Variants in KCNH7 observed in about 807,000 individuals in gnomAD.
KCNH7 encodes potassium voltage-gated channel subfamily H member 7, also known as voltage-gated inwardly rectifying potassium channel KCNH7.
A neutral mutation model predicts 120.8 loss-of-function variants in KCNH7; 49 were observed. That is an observed-to-expected ratio of 0.41 (90% CI 0.32 to 0.51). The LOEUF (loss-of-function observed/expected upper bound fraction) is 0.51, where lower values mean the gene tolerates loss of function less well. Ranked by LOEUF, KCNH7 falls within the 20% of genes least tolerant of loss-of-function variation. KCNH7 has a pLI of 0.38. For missense variants in KCNH7, 1,097 were observed against 1,446.6 expected (o/e 0.76, Z 3.92); for synonymous variants, 547 against 516.1 (o/e 1.06, Z -0.81).
chr2:162,550,706 C>T (rs1216743631), intron 2 of KCNH7, among the ~76,000 whole-genome samples: 1 of 152,006 alleles, frequency 6.6e-6, no homozygotes, highest in Non-Finnish European at 1.5e-5. Flanking sequence ...CAAATTTGAG[C>T]GTTTCAAAAT....
intron 2 of KCNH7, among the ~76,000 whole-genome samples, chr2:162,586,317 T>C (rs978097416): frequency 2.6e-5 from 4 of 152,084 alleles, no homozygotes; most frequent in African/African-American, 9.7e-5. Context: ...GCTTCTATTT[T>C]GCCCTTTGGA....
chr2:162,686,664 T>C (rs943321952), intron 2 of KCNH7, among the ~76,000 whole-genome samples: 2 of 152,162 alleles, frequency 1.3e-5, no homozygotes, highest in African/African-American at 4.8e-5. Context: ...GGATCTCTAC[T>C]TGTCTCCTTC....
chr2:162,372,037 C>G lies in KCNH7; in HGVS notation c.3383G>C (p.Ser1128Thr). The change falls in exon 16 of 16, where the codon AGT becomes ACT. Residue 1128 changes from serine to threonine, a missense_variant. Ser to Thr is a moderately conservative substitution (Grantham distance 58). Coordinates refer to ENST00000332142, the MANE Select transcript of KCNH7 (RefSeq NM_033272.4). ...TGAAGCTGTGTTCAGATGCACCCCA[C>G]TTGAAAGGGATTCTTTGGATTTAAG... ...SKLKSKESLS[S>T]GVHLNTASED... The G allele has an allele frequency of 6.2e-7, 1 of 1,613,262 alleles. No homozygotes were observed. The highest frequency in any genetic ancestry group is 8.5e-7 in the Non-Finnish European group (1 of 1,179,392).
At chr2:162,624,690 T>C (rs1287691579) in intron 2 of KCNH7, among the ~76,000 whole-genome samples, 1 of 152,106 alleles carries the variant, frequency 6.6e-6, no homozygotes, top group Non-Finnish European at 1.5e-5. Context: ...ATCATATACA[T>C]CTTTCCAGAA....
chr2:162,409,849 A>C (rs1687333354), intron 9 of KCNH7, among the ~76,000 whole-genome samples: 1 of 152,028 alleles, frequency 6.6e-6, no homozygotes, highest in South Asian at 2.1e-4. Context: ...ATAAAGAATA[A>C]AATATCTAGA....
chr2:162,574,021 A>C (rs1474363135), intron 2 of KCNH7, among the ~76,000 whole-genome samples: 5 of 152,074 alleles, frequency 3.3e-5, no homozygotes, highest in Non-Finnish European at 7.4e-5. Context: ...TTATCATCAA[A>C]TCTTTTAAGT....
chr2:162,478,746 G>C (rs1272685607), intron 6 of KCNH7, among the ~76,000 whole-genome samples: 1 of 152,094 alleles, frequency 6.6e-6, no homozygotes, highest in South Asian at 2.1e-4. Flanking sequence ...TAAAGCCATA[G>C]AATCATGATT....
At chr2:162,592,454 A>G (rs1172038821) in intron 2 of KCNH7, among the ~76,000 whole-genome samples, 1 of 152,080 alleles carries the variant, frequency 6.6e-6, no homozygotes, top group Non-Finnish European at 1.5e-5. Flanking sequence ...GGGCTTCCAC[A>G]TGACTCTTTT....
At chr2:162,663,989 C>T (rs148207725) in intron 2 of KCNH7, among the ~76,000 whole-genome samples, 1 of 152,164 alleles carries the variant, frequency 6.6e-6, no homozygotes, top group Non-Finnish European at 1.5e-5. Context: ...TCATTTCTAC[C>T]AACTCAACTT....
At chr2:162,389,698 C>T (rs1394820409) in intron 12 of KCNH7, among the ~76,000 whole-genome samples, 1 of 152,004 alleles carries the variant, frequency 6.6e-6, no homozygotes, top group Non-Finnish European at 1.5e-5. Context: ...GAGGCGTTTC[C>T]ACGCAATAAA....
At chr2:162,577,369 CTAT>C (rs1693718386) in intron 2 of KCNH7, among the ~76,000 whole-genome samples, 1 of 139,652 alleles carries the variant, frequency 7.2e-6, no homozygotes, top group African/African-American at 2.7e-5. Flanking sequence ...ATCTATCTAT[CTAT>C]CTATCTATCT....
chr2:162,797,447 A>C (rs1425942795), intron 2 of KCNH7: 1 of 152,106 alleles, frequency 6.6e-6, no homozygotes, highest in East Asian at 1.9e-4. Flanking sequence ...TATCTTTGGG[A>C]ACCAAGTTAT....
intron 2 of KCNH7, among the ~76,000 whole-genome samples, chr2:162,798,744 A>G (rs1209019691): frequency 6.6e-6 from 1 of 152,018 alleles, no homozygotes; most frequent in East Asian, 1.9e-4. Flanking sequence ...TTGAGTTATC[A>G]TGAAATGCCC....
chr2:162,625,769 G>A (rs1308805110), intron 2 of KCNH7, among the ~76,000 whole-genome samples: 1 of 152,090 alleles, frequency 6.6e-6, no homozygotes, highest in Non-Finnish European at 1.5e-5. Context: ...AAAGGTAGAA[G>A]CTATAATAAC....
At chr2:162,762,454 G>A (rs1386515609) in intron 2 of KCNH7, among the ~76,000 whole-genome samples, 1 of 151,960 alleles carries the variant, frequency 6.6e-6, no homozygotes, top group Non-Finnish European at 1.5e-5. Context: ...GGAGCAGTGG[G>A]AAGAAAGACT....
chr2:162,826,673 C>T (rs899270699), intron 2 of KCNH7, among the ~76,000 whole-genome samples: 35 of 152,098 alleles, frequency 2.3e-4, no homozygotes, highest in African/African-American at 8.4e-4. Context: ...ACTCTGACAC[C>T]TTTCACAGAT....
Position 162,550,886 on chromosome 2 carries a change from G to GATAATAATA in KCNH7, c.308-13815_308-13807dup, listed in dbSNP as rs34251777. 2.1e-3 allele frequency among the ~76,000 whole-genome samples: 314 copies of GATAATAATA among 147,892 alleles called. 2 individuals are homozygous for GATAATAATA. Among genetic ancestry groups the GATAATAATA allele is most frequent in the South Asian group, 5.8e-3 (27 of 4,650 alleles). On this transcript the variant is annotated intron_variant, in intron 2 of 15. Coordinates refer to ENST00000332142, the MANE Select transcript of KCNH7 (RefSeq NM_033272.4). The stretch of plus-strand genomic sequence containing the variant: ...AAGCAAAAATAACAAAACTAGGCTA[G>GATAATAATA]ATAATAATAATAATAATAATAATAA...
chr2:162,820,548 T>C (rs1350931516), intron 2 of KCNH7, among the ~76,000 whole-genome samples: 2 of 152,114 alleles, frequency 1.3e-5, no homozygotes, highest in Non-Finnish European at 2.9e-5. Flanking sequence ...AAGGGTAATT[T>C]AAAAGAAAAA....
chr2:162,831,980 A>G (rs1168469021), intron 2 of KCNH7, among the ~76,000 whole-genome samples: 1 of 152,172 alleles, frequency 6.6e-6, no homozygotes, highest in Non-Finnish European at 1.5e-5. Context: ...GGGGAAGAGC[A>G]TTTCTTAAGA....
Sources: gnomAD v4.1 joint callset for allele counts (sites outside exome capture counted in the v4.1 genomes callset) on GRCh38, gnomAD v4.1.1 for gene constraint, MANE v1.5 for transcripts, NCBI Gene and HGNC (gene_info 2026-07-23, HGNC 2026-07-21) for gene names.